The following GRK5 variants were observed in gnomAD, a reference collection of about 807,000 sequenced individuals.
GRK5 encodes the protein G protein-coupled receptor kinase 5.
Under a neutral mutation model 78.4 loss-of-function variants are expected in GRK5, and 40 were observed. The observed-to-expected ratio is 0.51, with a 90% CI of 0.40 to 0.66. The LOEUF is 0.66. Ranked by LOEUF, GRK5 falls within the 30% of genes least tolerant of loss-of-function variation. The probability of loss-of-function intolerance (pLI) is 0.00; values close to 1 mark genes in which losing one functional copy is unlikely to be tolerated. For missense variants in GRK5, 598 were observed against 759.9 expected (o/e 0.79, Z 2.50); for synonymous variants, 289 against 296.8 (o/e 0.97, Z 0.27).
intron 15 of GRK5, among the ~76,000 whole-genome samples, chr10:119,453,815 T>A (rs1047902622): frequency 2.0e-5 from 3 of 152,190 alleles, no homozygotes; most frequent in Admixed American, 6.5e-5. Context: ...TTCCGGCTCC[T>A]GGGATGGCCC....
chr10:119,344,872 CCCTTCCTTCCTTCCTTCCTTCCTT>C lies in GRK5; in HGVS notation c.148+18302_148+18325del, dbSNP rs545170705. On this transcript the variant is annotated intron_variant, in intron 2 of 15. Coordinates refer to ENST00000392870, the MANE Select transcript of GRK5 (RefSeq NM_005308.3). The stretch of plus-strand genomic sequence containing the variant: ...CTTGGCCAGCCAGCCACAAGACCCA[CCCTTCCTTCCTTCCTTCCTTCCTT>C]CCTTCCTTCCTTCCTTCCTTCCTTC... Among the ~76,000 whole-genome samples the C allele has an allele frequency of 1.7e-3, 127 of 73,718 alleles. 1 individual carries two copies. The highest frequency in any genetic ancestry group is 7.5e-3 in the Middle Eastern group (1 of 134). 48.4% of individuals were successfully genotyped at this position (73,718 alleles called of 152,430 possible). A position where few individuals can be genotyped will look rare whatever the true frequency, so the allele number is the denominator to read the frequency against.
At chr10:119,395,605 A>G (rs1011169593) in intron 3 of GRK5, among the ~76,000 whole-genome samples, 35 of 152,204 alleles carry the variant, frequency 2.3e-4, no homozygotes, top group African/African-American at 8.4e-4. Flanking sequence ...TCTAAATGAG[A>G]AAGGGCCGCT....
intron 12 of GRK5, among the ~76,000 whole-genome samples, chr10:119,444,520 GCT>G (rs1853104685): frequency 6.6e-6 from 1 of 152,134 alleles, no homozygotes. Flanking sequence ...CTGCTGCCTG[GCT>G]CTCAGCCCCC....
intron 15 of GRK5, 110 bp downstream of exon 15, chr10:119,453,386 T>C: frequency 7.6e-7 from 1 of 1,308,978 alleles, no homozygotes; most frequent in East Asian, 2.3e-5. Flanking sequence ...CTTGGAAGTC[T>C]GGGGCAGTAG....
At chr10:119,307,285 T>G (rs1013236192) in intron 1 of GRK5, among the ~76,000 whole-genome samples, 2 of 151,990 alleles carry the variant, frequency 1.3e-5, no homozygotes, top group Admixed American at 1.3e-4. Context: ...ACTGCATGAT[T>G]AAGGCTGAAT....
At chr10:119,338,372 A>G (rs1332154415) in intron 2 of GRK5, among the ~76,000 whole-genome samples, 1 of 152,196 alleles carries the variant, frequency 6.6e-6, no homozygotes, top group Non-Finnish European at 1.5e-5. Flanking sequence ...AAAACACAGA[A>G]AATTATAAGG....
intron 1 of GRK5, among the ~76,000 whole-genome samples, chr10:119,242,415 G>A (rs1849041169): frequency 6.6e-6 from 1 of 151,478 alleles, no homozygotes; most frequent in South Asian, 2.1e-4. Flanking sequence ...AGGCAGTCTT[G>A]CCGAGCACTG....
At chr10:119,355,309 T>G (rs937144330) in intron 2 of GRK5, among the ~76,000 whole-genome samples, 9 of 152,230 alleles carry the variant, frequency 5.9e-5, no homozygotes, top group African/African-American at 2.2e-4. Context: ...TTCTATATAT[T>G]GGCTAGTATA....
At chr10:119,273,642 G>T (rs1333499647) in intron 1 of GRK5, among the ~76,000 whole-genome samples, 2 of 152,146 alleles carry the variant, frequency 1.3e-5, no homozygotes, top group African/African-American at 2.4e-5. Context: ...GTCCCCATGG[G>T]TCACCTACTT....
intron 1 of GRK5, among the ~76,000 whole-genome samples, chr10:119,249,571 C>A (rs990972815): frequency 1.3e-5 from 2 of 151,994 alleles, no homozygotes; most frequent in African/African-American, 4.8e-5. Context: ...GATCTCGGCT[C>A]ACTGCAATCT....
chr10:119,385,880 CT>C (rs751627447), intron 3 of GRK5, among the ~76,000 whole-genome samples: 230 of 144,740 alleles, frequency 1.6e-3, no homozygotes, highest in African/African-American at 2.3e-3. Context: ...GAGTTGTCAA[CT>C]TTTTTTTTTT....
chr10:119,416,736 G>A (rs1852462219), intron 4 of GRK5, among the ~76,000 whole-genome samples: 1 of 152,180 alleles, frequency 6.6e-6, no homozygotes, highest in South Asian at 2.1e-4. Context: ...TGGGACTACA[G>A]GCGCATGCCA....
intron 4 of GRK5, among the ~76,000 whole-genome samples, chr10:119,422,320 G>A (rs1852586446): frequency 6.6e-6 from 1 of 152,226 alleles, no homozygotes; most frequent in South Asian, 2.1e-4. Flanking sequence ...CAGGCCAGCA[G>A]CTTAACCTAG....
Position 119,439,775 on chromosome 10 carries a change from C to A in GRK5, c.967+7C>A. 3 of 1,613,416 alleles carry A rather than the reference C, an allele frequency of 1.9e-6. No homozygotes were observed. The highest frequency in any genetic ancestry group is 1.1e-5 in the South Asian group (1 of 91,072). Reference sequence around the variant, plus strand: ...ATCCTGTTAGATGATTATGGTAAGTCTTTTCCTACTCGGTAGCTGAGGTGA... The same window carrying A: ...ATCCTGTTAGATGATTATGGTAAGTATTTTCCTACTCGGTAGCTGAGGTGA... On this transcript the variant is annotated splice_region_variant and intron_variant, in intron 10 of 15. Coordinates refer to ENST00000392870, the MANE Select transcript of GRK5 (RefSeq NM_005308.3).
At chr10:119,343,264 T>G (rs1851014753) in intron 2 of GRK5, among the ~76,000 whole-genome samples, 1 of 148,894 alleles carries the variant, frequency 6.7e-6, no homozygotes, top group Non-Finnish European at 1.5e-5. Context: ...AGTGAACAGA[T>G]GAGAGAGAGA....
chr10:119,444,364 A>G (rs1675694178), intron 12 of GRK5, among the ~76,000 whole-genome samples: 1 of 152,014 alleles, frequency 6.6e-6, no homozygotes. Flanking sequence ...CCAGATAAGG[A>G]GTGACAGGAG....
At chr10:119,314,994 C>T (rs1413186827) in intron 1 of GRK5, among the ~76,000 whole-genome samples, 3 of 152,216 alleles carry the variant, frequency 2.0e-5, no homozygotes, top group Non-Finnish European at 4.4e-5. Context: ...CCACTCCATC[C>T]CTTCCCTGCC....
chr10:119,309,311 G>A (rs1193826602), intron 1 of GRK5, among the ~76,000 whole-genome samples: 3 of 152,242 alleles, frequency 2.0e-5, no homozygotes, highest in African/African-American at 4.8e-5. Context: ...CACGTGCCAA[G>A]CACCAAGTAG....
intron 1 of GRK5, among the ~76,000 whole-genome samples, chr10:119,287,573 CTCTGGGCTTAGAA>C (rs1290545588): frequency 1.3e-5 from 2 of 152,288 alleles, no homozygotes; most frequent in Non-Finnish European, 1.5e-5. Context: ...CCTGTTTTCA[CTCTGGGCTTAGAA>C]TTCTTTTCTC....
Sources: allele counts gnomAD v4.1 joint callset (sites outside exome capture counted in the v4.1 genomes callset), GRCh38; gene constraint gnomAD v4.1.1; transcripts MANE v1.5; gene names NCBI Gene and HGNC (gene_info 2026-07-23, HGNC 2026-07-21).